MAPK10: variants seen among roughly 807,000 people sequenced by gnomAD.
MAPK10 encodes mitogen-activated protein kinase 10.
In MAPK10, 25 loss-of-function variants were observed where a neutral mutation model predicts 59.3. The ratio of observed to expected loss-of-function variants is 0.42; its 90% CI spans 0.31 to 0.59. The LOEUF (loss-of-function observed/expected upper bound fraction) is 0.59, where lower values mean the gene tolerates loss of function less well. Ranked by LOEUF, MAPK10 falls within the 20% of genes least tolerant of loss-of-function variation. MAPK10 has a pLI of 0.15. For missense variants in MAPK10, 351 were observed against 568.9 expected (o/e 0.62, Z 3.90); for synonymous variants, 190 against 200.5 (o/e 0.95, Z 0.44).
chr4:86,472,384 C>T (rs6822396), intron 1 of MAPK10, among the ~76,000 whole-genome samples: 49,989 of 151,950 alleles, frequency 0.33, 8,528 homozygotes, highest in Admixed American at 0.38. Context: ...TAGTTTGACA[C>T]TGGATTCACA....
At chr4:86,034,344 C>T (rs1331699260) in intron 11 of MAPK10, among the ~76,000 whole-genome samples, 1 of 152,034 alleles carries the variant, frequency 6.6e-6, no homozygotes, top group Non-Finnish European at 1.5e-5. Flanking sequence ...TAAACAATAA[C>T]TTAAAATGGA....
chr4:86,191,136 G>T lies in MAPK10; in HGVS notation c.66+3200C>A, dbSNP rs189511255. Among the ~76,000 whole-genome samples, 697 of 152,152 alleles carry T rather than the reference G, an allele frequency of 4.6e-3. 4 individuals carry two copies. The highest frequency in any genetic ancestry group is 7.0e-3 in the Non-Finnish European group (475 of 67,988). On this transcript the variant is annotated intron_variant, in intron 3 of 13. Coordinates refer to ENST00000641462, the MANE Select transcript of MAPK10 (RefSeq NM_138982.4). ...TGTTTGTTATGATTTCCATTCTTTT[G>T]CATTTGCTGAGGAGTGTTTTACTTC... is the stretch of plus-strand genomic sequence containing the variant.
At chr4:86,045,608 T>G (rs756814960) in intron 11 of MAPK10, among the ~76,000 whole-genome samples, 1 of 151,992 alleles carries the variant, frequency 6.6e-6, no homozygotes, top group Non-Finnish European at 1.5e-5. Context: ...GCTAATGCTA[T>G]TGCCCCACTT....
chr4:86,276,117 G>C (rs560415462), intron 2 of MAPK10, among the ~76,000 whole-genome samples: 50 of 152,074 alleles, frequency 3.3e-4, no homozygotes, highest in Non-Finnish European at 6.3e-4. Flanking sequence ...CAGAAATTTT[G>C]TGTCCTATAT....
chr4:86,422,578 G>A (rs901450751), intron 1 of MAPK10, among the ~76,000 whole-genome samples: 2 of 152,176 alleles, frequency 1.3e-5, no homozygotes, highest in African/African-American at 2.4e-5. Context: ...TATTGTTTGT[G>A]AATAACCCAC....
intron 3 of MAPK10, among the ~76,000 whole-genome samples, chr4:86,183,507 T>C (rs376660747): frequency 6.6e-6 from 1 of 152,066 alleles, no homozygotes; most frequent in Non-Finnish European, 1.5e-5. Context: ...CCATGGTGTA[T>C]ATGTGCCACA....
intron 1 of MAPK10, among the ~76,000 whole-genome samples, chr4:86,398,104 G>A (rs1041240708): frequency 6.6e-6 from 1 of 151,782 alleles, no homozygotes; most frequent in Non-Finnish European, 1.5e-5. Context: ...CGCACAGGCA[G>A]GCAGACAGAC....
chr4:86,467,193 C>T (rs1377486974), intron 1 of MAPK10, among the ~76,000 whole-genome samples: 1 of 152,206 alleles, frequency 6.6e-6, no homozygotes, highest in Non-Finnish European at 1.5e-5. Flanking sequence ...GCGGGCCTCA[C>T]AGTAGGCCCC....
At chr4:86,060,742 T>C (rs1323570998) in intron 11 of MAPK10, among the ~76,000 whole-genome samples, 1 of 152,094 alleles carries the variant, frequency 6.6e-6, no homozygotes, top group African/African-American at 2.4e-5. Flanking sequence ...TTTAAACTAA[T>C]GACACTAGAT....
At chr4:86,129,165 G>C (rs1308031726) in intron 4 of MAPK10, among the ~76,000 whole-genome samples, 1 of 152,108 alleles carries the variant, frequency 6.6e-6, no homozygotes, top group African/African-American at 2.4e-5. Flanking sequence ...TATTTTTACA[G>C]ACATTTGGCA....
In MAPK10 at chr4:86,511,221, T is replaced by A. The variant is rs529878408; in HGVS notation, c.-263+82689A>T. ...GGTTTCGGCTGGGTGTGGTGGCTCA[T>A]GCCTGTAATCCCAACATTTTGGGAG... is the stretch of plus-strand genomic sequence containing the variant. On this transcript the variant is annotated intron_variant, in intron 1 of 4. Coordinates refer to the MAPK10 transcript ENST00000502302. Among the ~76,000 whole-genome samples the A allele has an allele frequency of 1.5e-3, 233 of 152,218 alleles. 2 individuals carry two copies. Among genetic ancestry groups the A allele is most frequent in the Non-Finnish European group, 4.6e-4 (31 of 68,022 alleles).
chr4:86,338,334 C>A (rs1471474887), intron 2 of MAPK10, among the ~76,000 whole-genome samples: 5 of 152,238 alleles, frequency 3.3e-5, no homozygotes, highest in Non-Finnish European at 7.3e-5. Flanking sequence ...ACTCCCTACC[C>A]TTACCCGCTT....
chr4:86,325,411 T>C (rs1397888109), intron 2 of MAPK10, among the ~76,000 whole-genome samples: 1 of 152,190 alleles, frequency 6.6e-6, no homozygotes, highest in Admixed American at 6.5e-5. Context: ...AACCAGTAAT[T>C]AGTGGAGGCA....
At chr4:86,388,387 T>A (rs1410166471) in intron 1 of MAPK10, among the ~76,000 whole-genome samples, 2 of 152,194 alleles carry the variant, frequency 1.3e-5, no homozygotes, top group Non-Finnish European at 2.9e-5. Context: ...ACTCTAAAAT[T>A]AATAACTGAA....
At chr4:86,280,614 A>G (rs142053602) in intron 2 of MAPK10, among the ~76,000 whole-genome samples, 92 of 152,264 alleles carry the variant, frequency 6.0e-4, no homozygotes, top group Non-Finnish European at 1.1e-3. Flanking sequence ...AGTGGAAAAT[A>G]AATCGTTCTA....
intron 2 of MAPK10, among the ~76,000 whole-genome samples, chr4:86,282,694 G>A (rs1301498640): frequency 1.3e-5 from 2 of 152,102 alleles, no homozygotes; most frequent in African/African-American, 4.8e-5. Flanking sequence ...GTCTCTCTGA[G>A]GTGTTTATAA....
At position 86,031,358 on chromosome 4, in the gene MAPK10, G is replaced by A. The variant is rs1354183785; in HGVS notation, c.1174+10C>T. 7 of 1,586,376 alleles carry A rather than the reference G, an allele frequency of 4.4e-6. No individual in the cohort carries two copies. Among genetic ancestry groups the A allele is most frequent in the Non-Finnish European group, 6.1e-6 (7 of 1,155,266 alleles). The stretch of plus-strand genomic sequence containing the variant: ...AATAAAAAGTATACTTTTTTAAGTA[G>A]TAGACTTACCTTTCCATTCTTCAAT... On this transcript the variant is annotated intron_variant, in intron 12 of 13. Transcript: ENST00000641462.
At chr4:86,526,885 T>G (rs904032938) in intron 1 of MAPK10, among the ~76,000 whole-genome samples, 1 of 152,196 alleles carries the variant, frequency 6.6e-6, no homozygotes, top group Admixed American at 6.5e-5. Context: ...ATATTTTTGG[T>G]ATTGAATTAT....
intron 1 of MAPK10, among the ~76,000 whole-genome samples, chr4:86,471,767 G>T (rs1455853540): frequency 6.6e-6 from 1 of 152,116 alleles, no homozygotes; most frequent in Non-Finnish European, 1.5e-5. Context: ...TAATGCATCT[G>T]CTATGTTTTC....
Sources: allele counts gnomAD v4.1 joint callset (sites outside exome capture counted in the v4.1 genomes callset), GRCh38; gene constraint gnomAD v4.1.1; transcripts MANE v1.5; gene names NCBI Gene and HGNC (gene_info 2026-07-23, HGNC 2026-07-21).